TRMT44: variants seen among roughly 807,000 people sequenced by gnomAD.
TRMT44 encodes probable tRNA (uracil-O(2)-)-methyltransferase.
In TRMT44, 78 loss-of-function variants were observed where a neutral mutation model predicts 77.3. That is an observed-to-expected ratio of 1.01 (90% CI 0.84 to 1.22). The LOEUF is 1.22. Ranked by LOEUF, TRMT44 falls within the 50% of genes most tolerant of loss-of-function variation. The probability of loss-of-function intolerance (pLI) is 0.00; values close to 1 mark genes in which losing one functional copy is unlikely to be tolerated. For missense variants in TRMT44, 1,090 were observed against 964.4 expected, an observed-to-expected ratio of 1.13 and a Z score of -1.73; for synonymous variants, 391 against 383.3, an observed-to-expected ratio of 1.02 and a Z score of -0.23.
chr4:8,501,908 CT>C, the TRMT44 span, among the ~76,000 whole-genome samples: 1 of 152,230 alleles, frequency 6.6e-6, no homozygotes, highest in Non-Finnish European at 1.5e-5. This position sits in a 1 kb window ranked among gnomAD's most constrained non-coding sequence, Gnocchi z 4.4. Context: ...CTGCCCACAT[CT>C]CTCTGTTGAG....
At chr4:8,443,986 G>A (rs1366636476) in intron 1 of TRMT44, among the ~76,000 whole-genome samples, 2 of 151,774 alleles carry the variant, frequency 1.3e-5, no homozygotes, top group Non-Finnish European at 2.9e-5. Flanking sequence ...ATGTGACTAA[G>A]AAATCTTAAC....
At chr4:8,488,458 G>A (rs185105829) in intron 2 of TRMT44, among the ~76,000 whole-genome samples, 21 of 152,338 alleles carry the variant, frequency 1.4e-4, no homozygotes, top group Admixed American at 1.1e-3. Context: ...ACAGGAGTGG[G>A]GGTCGCAAGG....
At position 8,476,265 on chromosome 4, in the gene TRMT44, G is replaced by T; in HGVS notation, c.*264G>T. 1 of 528,350 alleles carries T rather than the reference G, an allele frequency of 1.9e-6. No homozygotes were observed. Among genetic ancestry groups the T allele is most frequent in the Non-Finnish European group, 3.4e-6 (1 of 293,292 alleles). The allele number at this position is 528,350 out of a possible 1,614,324, so 32.7% of individuals were successfully genotyped here. A position where few individuals can be genotyped will look rare whatever the true frequency, so the allele number is the denominator to read the frequency against. On this transcript the variant is annotated 3_prime_UTR_variant, in exon 11 of 11. Coordinates refer to ENST00000389737, the MANE Select transcript of TRMT44 (RefSeq NM_152544.3). ...GTGCGCAGCATCTTCATATCATAAA[G>T]ATTGTGCACGGATCCTTACAATGTC...
At chr4:8,500,005 G>A in the TRMT44 span, among the ~76,000 whole-genome samples, 1 of 152,244 alleles carries the variant, frequency 6.6e-6, no homozygotes, top group East Asian at 1.9e-4. Flanking sequence ...AAGGCAGGAC[G>A]ATTGCTTGAG....
At chr4:8,486,531 G>C (rs1727809813) in intron 2 of TRMT44, among the ~76,000 whole-genome samples, 1 of 151,368 alleles carries the variant, frequency 6.6e-6, no homozygotes, top group African/African-American at 2.4e-5. Context: ...TTTAATTTTT[G>C]GGAGCAGATA....
chr4:8,474,878 C>T (rs1476448709), intron 10 of TRMT44, among the ~76,000 whole-genome samples: 2 of 152,196 alleles, frequency 1.3e-5, no homozygotes, highest in Non-Finnish European at 2.9e-5. Context: ...CCTGCGAGGC[C>T]TGGGACCCAG....
chr4:8,499,261 C>T, the TRMT44 span, among the ~76,000 whole-genome samples: 3 of 152,214 alleles, frequency 2.0e-5, no homozygotes, highest in Admixed American at 1.3e-4. Flanking sequence ...TGTGCTGAGA[C>T]ACTTGCCCCA....
intron 1 of TRMT44, among the ~76,000 whole-genome samples, chr4:8,445,906 T>G (rs1464201379): frequency 6.6e-6 from 1 of 152,186 alleles, no homozygotes; most frequent in African/African-American, 2.4e-5. Flanking sequence ...CAACCAAACC[T>G]TAAGTATCCA....
chr4:8,502,395 A>C, the TRMT44 span, among the ~76,000 whole-genome samples: 1 of 152,198 alleles, frequency 6.6e-6, no homozygotes, highest in African/African-American at 2.4e-5. Context: ...TGCTTAAAAA[A>C]CTACAACGAA....
chr4:8,468,412 C>CT, intron 9 of TRMT44, 66 bp downstream of exon 9: 1 of 1,501,862 alleles, frequency 6.7e-7, no homozygotes. Context: ...GAATTCACGT[C>CT]TTCAGAACCG....
At position 8,452,052 on chromosome 4, in the gene TRMT44, T is replaced by C; in HGVS notation, c.1023+24T>C. The C allele has an allele frequency of 6.5e-7, 1 of 1,533,188 alleles. No homozygotes were observed. The highest frequency in any genetic ancestry group is 8.7e-7 in the Non-Finnish European group (1 of 1,143,954). 95.0% of individuals were successfully genotyped at this position (1,533,188 alleles called of 1,614,324 possible). On this transcript the variant is annotated intron_variant, in intron 4 of 10. Transcript: ENST00000389737. This position sits in a 1 kb window ranked among gnomAD's most constrained non-coding sequence, Gnocchi z 5.7. ...TGGTAAGGGTGTAAGCGACCTCAGC[T>C]TCTCTGGAGTGGGTGGAGTTTGCTA...
intron 2 of TRMT44, among the ~76,000 whole-genome samples, chr4:8,484,986 TG>T (rs1215488491): frequency 6.6e-6 from 1 of 152,132 alleles, no homozygotes; most frequent in Non-Finnish European, 1.5e-5. Flanking sequence ...GGAGAATAAA[TG>T]CTGAAGGAGC....
chr4:8,497,174 AG>A (rs1728171684), downstream of TRMT44, among the ~76,000 whole-genome samples: 1 of 150,734 alleles, frequency 6.6e-6, no homozygotes. Context: ...AAAAAAAAAA[AG>A]AGAAAGACCA....
At chr4:8,472,576 GCACA>G (rs143026797) in intron 10 of TRMT44, among the ~76,000 whole-genome samples, 4 of 152,124 alleles carry the variant, frequency 2.6e-5, no homozygotes, top group Middle Eastern at 3.2e-3. Flanking sequence ...GTGGGTTTGT[GCACA>G]CACACACACT....
the TRMT44 span, among the ~76,000 whole-genome samples, chr4:8,516,644 G>C: frequency 1.3e-5 from 2 of 152,172 alleles, no homozygotes; most frequent in African/African-American, 4.8e-5. Context: ...ATCTGGGCTT[G>C]GTGGTGTGTG....
chr4:8,499,859 TCC>T, the TRMT44 span, among the ~76,000 whole-genome samples: 3,440 of 152,244 alleles, frequency 0.023, 73 homozygotes, highest in African/African-American at 0.053. Flanking sequence ...CACCCTGAAC[TCC>T]TGAGTCAGGA....
the TRMT44 span, among the ~76,000 whole-genome samples, chr4:8,501,526 C>T: frequency 6.6e-6 from 1 of 152,144 alleles, no homozygotes; most frequent in Non-Finnish European, 1.5e-5. The surrounding 1 kb of genome is among the most constrained non-coding windows in gnomAD (Gnocchi z 4.4). Context: ...AGGTTGAGTA[C>T]ATTTGGAGCC....
chr4:8,451,013 C>T lies in TRMT44; in HGVS notation c.955-947C>T. Among the ~76,000 whole-genome samples the T allele has an allele frequency of 6.6e-6, 1 of 150,674 alleles. No individual in the cohort carries two copies. Among genetic ancestry groups the T allele is most frequent in the East Asian group, 1.9e-4 (1 of 5,180 alleles). ...GTTTCCCAGGGCTCAAGTGTTCTGCCTGCTTTGGCCTCCTAAAGTGCTTGG... is the reference window on the plus strand; with the variant it reads ...GTTTCCCAGGGCTCAAGTGTTCTGCTTGCTTTGGCCTCCTAAAGTGCTTGG... On this transcript the variant is annotated intron_variant, in intron 3 of 10. Coordinates refer to ENST00000389737, the MANE Select transcript of TRMT44 (RefSeq NM_152544.3). This position sits in a 1 kb window ranked among gnomAD's most constrained non-coding sequence, Gnocchi z 4.1.
chr4:8,478,199 G>A (rs1321042997), downstream of TRMT44: 1 of 152,880 alleles, frequency 6.5e-6, no homozygotes, highest in Non-Finnish European at 1.5e-5. Context: ...CAGTCCTGGT[G>A]AGGGCGGTGG....
Sources: allele counts gnomAD v4.1 joint callset (sites outside exome capture counted in the v4.1 genomes callset), GRCh38; gene constraint gnomAD v4.1.1; non-coding constraint Gnocchi (gnomAD v3.1); transcripts MANE v1.5; gene names NCBI Gene and HGNC (gene_info 2026-07-23, HGNC 2026-07-21).